Variants in JPH3 observed in about 807,000 individuals in gnomAD.
JPH3 encodes junctophilin-3.
In JPH3, 11 loss-of-function variants were observed where a neutral mutation model predicts 59.6. The observed-to-expected ratio is 0.18, with a 90% confidence interval of 0.12 to 0.31. JPH3 has a LOEUF of 0.31. JPH3 is among the 10% of genes least tolerant of loss of function. The probability of loss-of-function intolerance (pLI) is 1.00; values close to 1 mark genes in which losing one functional copy is unlikely to be tolerated. For synonymous variants in JPH3, 673 were observed against 483.6 expected (o/e 1.39, Z -5.14); for missense variants, 1,202 against 1,105.7 (o/e 1.09, Z -1.24).
intron 1 of JPH3, among the ~76,000 whole-genome samples, chr16:87,642,295 G>A (rs974565649): frequency 7.9e-5 from 12 of 152,034 alleles, no homozygotes; most frequent in African/African-American, 2.9e-4. Context: ...GAGAGATGGC[G>A]GCACCTGCCA....
At position 87,603,537 on chromosome 16, in the gene JPH3, C is replaced by A; in HGVS notation, c.382+9C>A. ...GACCTACTCGGACGGAGGTAGGTGC[C>A]GCGGGCCGGGCCGGGCCGGGGCGGG... On this transcript the variant is annotated intron_variant, in intron 1 of 4. Transcript: ENST00000284262. 1 of 1,545,862 alleles carries A rather than the reference C, an allele frequency of 6.5e-7. No individual in the cohort carries two copies. The highest frequency in any genetic ancestry group is 8.7e-7 in the Non-Finnish European group (1 of 1,145,560).
chr16:87,604,336 G>T, intron 1 of JPH3: 1 of 1,361,504 alleles, frequency 7.3e-7, no homozygotes, highest in Non-Finnish European at 9.7e-7. Context: ...GCTGTAAGAT[G>T]GTTTCTGTGC....
intron 2 of JPH3, among the ~76,000 whole-genome samples, chr16:87,660,163 G>A (rs2032655095): frequency 2.0e-5 from 3 of 152,194 alleles, no homozygotes; most frequent in African/African-American, 7.2e-5. Context: ...GGGAGAGACG[G>A]CAGTGCACAG....
chr16:87,689,555 G>C (rs1386569965), intron 3 of JPH3, 91 bp from the exon 4 acceptor site: 1 of 1,389,784 alleles, frequency 7.2e-7, no homozygotes, highest in Non-Finnish European at 9.9e-7. Flanking sequence ...CTGCCCTGAG[G>C]TTCCCTCTGG....
Position 87,616,231 on chromosome 16 carries a change from TGTGTGTA to T in JPH3, c.382+12704_382+12710del, listed in dbSNP as rs1567583327. 7.1e-3 allele frequency among the ~76,000 whole-genome samples: 1,023 copies of T among 144,094 alleles called. 7 individuals carry two copies. The highest frequency in any genetic ancestry group is 9.8e-3 in the Non-Finnish European group (644 of 65,642). 94.5% of individuals were successfully genotyped at this position (144,094 alleles called of 152,430 possible). On this transcript the variant is annotated intron_variant, in intron 1 of 4. Coordinates refer to ENST00000284262, the MANE Select transcript of JPH3 (RefSeq NM_020655.4). ...GTGTGTGTGTGTGTGTGTGTGTGTG[TGTGTGTA>T]TTTTTTTTTTTTTGAGACAGAGTCT...
intron 1 of JPH3, among the ~76,000 whole-genome samples, chr16:87,633,996 C>T (rs1197751635): frequency 6.6e-6 from 1 of 152,046 alleles, no homozygotes; most frequent in South Asian, 2.1e-4. Flanking sequence ...AGGAGCGACC[C>T]GAATACCTTG....
At chr16:87,679,837 C>G (rs2033241599) in intron 2 of JPH3, among the ~76,000 whole-genome samples, 1 of 152,354 alleles carries the variant, frequency 6.6e-6, no homozygotes, top group African/African-American at 2.4e-5. Flanking sequence ...CATAGTTGGT[C>G]CCTCCCTGCC....
intron 2 of JPH3, among the ~76,000 whole-genome samples, chr16:87,648,124 G>A (rs148909961): frequency 1.3e-5 from 2 of 152,318 alleles, no homozygotes; most frequent in East Asian, 1.9e-4. Context: ...TCACTGGTGC[G>A]ACCCTTGGAG....
At chr16:87,638,798 C>T (rs1567593067) in intron 1 of JPH3, among the ~76,000 whole-genome samples, 1 of 152,202 alleles carries the variant, frequency 6.6e-6, no homozygotes, top group African/African-American at 2.4e-5. Context: ...AATTCAGGGA[C>T]AGGACACAGC....
intron 3 of JPH3, 71 bp from the exon 4 acceptor site, chr16:87,689,575 C>T (rs1285527520): frequency 6.6e-7 from 1 of 1,523,208 alleles, no homozygotes; most frequent in Non-Finnish European, 8.9e-7. Context: ...GCGCCCTGGC[C>T]CGGGGACCGC....
Position 87,671,527 on chromosome 16 carries a change from G to A in JPH3, c.1161-12615G>A, listed in dbSNP as rs537948114. Among the ~76,000 whole-genome samples, 5 of 152,306 alleles carry A rather than the reference G, an allele frequency of 3.3e-5. No individual in the cohort carries two copies. The South Asian group carries it at 1.0e-3, about 32-fold the overall frequency. On this transcript the variant is annotated intron_variant, in intron 2 of 4. Transcript: ENST00000284262. ...TGGTTGGGCACTGGCTGGGAAGAGAGGTGACCACCAGGCCCTAATAGCAGG... is the reference window on the plus strand; with the variant it reads ...TGGTTGGGCACTGGCTGGGAAGAGAAGTGACCACCAGGCCCTAATAGCAGG...
intron 1 of JPH3, among the ~76,000 whole-genome samples, chr16:87,603,876 G>A (rs2030371253): frequency 6.6e-6 from 1 of 152,246 alleles, no homozygotes; most frequent in Admixed American, 6.5e-5. Context: ...GGCAGAGGGG[G>A]CTGGGAGAAG....
intron 1 of JPH3, among the ~76,000 whole-genome samples, chr16:87,640,977 C>G (rs976156991): frequency 3.3e-5 from 5 of 152,226 alleles, no homozygotes; most frequent in African/African-American, 9.6e-5. Context: ...AGCCTAGTTC[C>G]AGTTTCCTCC....
At position 87,610,556 on chromosome 16, in the gene JPH3, C is replaced by T. The variant is rs77568478; in HGVS notation, c.382+7028C>T. 2.2e-3 allele frequency among the ~76,000 whole-genome samples: 333 copies of T among 152,086 alleles called. 1 individual carries two copies. The highest frequency in any genetic ancestry group is 7.2e-3 in the African/African-American group (297 of 41,470). Reference sequence around the variant, plus strand: ...GGTAGTATTTGGTAATTTTGTTTACCGTCATTATTTCGTATGCCTGTTTCA... The same window carrying T: ...GGTAGTATTTGGTAATTTTGTTTACTGTCATTATTTCGTATGCCTGTTTCA... On this transcript the variant is annotated intron_variant, in intron 1 of 4. Transcript: ENST00000284262.
rs142897278 is a variant in JPH3 at position 87,642,473 on chromosome 16, G to C, written c.383-1785G>C. On this transcript the variant is annotated intron_variant, in intron 1 of 4. Coordinates refer to ENST00000284262, the MANE Select transcript of JPH3 (RefSeq NM_020655.4). ...ATGTCAAATCTCTTGGTTTTGAGTT[G>C]TTAGCAGGTAATTCCAATGTTTTAT... Among the ~76,000 whole-genome samples the C allele has an allele frequency of 2.8e-3, 420 of 152,352 alleles. 1 individual carries two copies. The highest frequency in any genetic ancestry group is 6.6e-3 in the South Asian group (32 of 4,830).
chr16:87,635,819 G>A (rs2031722631), intron 1 of JPH3, among the ~76,000 whole-genome samples: 1 of 152,232 alleles, frequency 6.6e-6, no homozygotes, highest in South Asian at 2.1e-4. Context: ...GGCCATCGGT[G>A]GGTGAGGTGG....
At chr16:87,689,207 G>A (rs544286384) in intron 3 of JPH3, among the ~76,000 whole-genome samples, 69 of 152,344 alleles carry the variant, frequency 4.5e-4, no homozygotes, top group African/African-American at 1.7e-3. Context: ...ACAGTCCCAG[G>A]CGGGTAGGGG....
intron 1 of JPH3, among the ~76,000 whole-genome samples, chr16:87,606,295 C>T (rs1401374262): frequency 1.3e-5 from 2 of 152,240 alleles, no homozygotes; most frequent in South Asian, 2.1e-4. Context: ...CAGCTCTGGG[C>T]GCTGACTTGG....
In JPH3 at chr16:87,628,798, G is replaced by A. The variant is rs552856124; in HGVS notation, c.383-15460G>A. Among the ~76,000 whole-genome samples, 8 of 152,216 alleles carry A rather than the reference G, an allele frequency of 5.3e-5. No homozygotes were observed. In the South Asian group the frequency reaches 1.5e-3, roughly 28 times the overall value. On this transcript the variant is annotated intron_variant, in intron 1 of 4. Transcript: ENST00000284262. The stretch of plus-strand genomic sequence containing the variant: ...GAGCTTTGCCGTCCTGGGTGAGGTC[G>A]GGGTAAGAGAAAGCAGAGTCGGTCC...
Sources: allele counts gnomAD v4.1 joint callset (sites outside exome capture counted in the v4.1 genomes callset), GRCh38; gene constraint gnomAD v4.1.1; transcripts MANE v1.5; gene names NCBI Gene and HGNC (gene_info 2026-07-23, HGNC 2026-07-21).